The following MTA3 variants were observed in gnomAD, a reference collection of about 807,000 sequenced individuals.
MTA3 encodes the protein metastasis-associated protein MTA3.
In MTA3, 34 loss-of-function variants were observed where a neutral mutation model predicts 83.5. That is an observed-to-expected ratio of 0.41 (90% CI 0.31 to 0.54). The LOEUF (loss-of-function observed/expected upper bound fraction) is 0.54. Ranked by LOEUF, MTA3 falls within the 20% of genes least tolerant of loss-of-function variation. The pLI is 0.33. For synonymous variants in MTA3, 303 were observed against 252.7 expected, an observed-to-expected ratio of 1.20 and a Z score of -1.89; for missense variants, 761 against 726.4, an observed-to-expected ratio of 1.05 and a Z score of -0.55.
chr2:42,646,094 C>T (rs1445687100), intron 6 of MTA3, among the ~76,000 whole-genome samples: 3 of 152,192 alleles, frequency 2.0e-5, no homozygotes, highest in East Asian at 1.9e-4. Flanking sequence ...GTAAATAGAA[C>T]AACAAAGCCT....
chr2:42,594,380 G>A (rs1282572986), intron 3 of MTA3, among the ~76,000 whole-genome samples: 1 of 149,696 alleles, frequency 6.7e-6, no homozygotes, highest in Non-Finnish European at 1.5e-5. Flanking sequence ...GGAATTACAG[G>A]TGTGCACCAC....
At position 42,609,522 on chromosome 2, in the gene MTA3, G is replaced by A. The variant is rs373079975; in HGVS notation, c.255G>A (p.Gln85=). 4.3e-6 allele frequency: 7 copies of A among 1,613,888 alleles called. No homozygotes were observed. Among genetic ancestry groups the A allele is most frequent in the African/African-American group, 2.7e-5 (2 of 75,036 alleles). The part of the protein sequence containing the change: ...EADLTDKQKH[Q]LKHRELFLSR... The stretch of plus-strand genomic sequence containing the variant: ...ACTTGACCGATAAGCAGAAACATCA[G>A]TTGAAACATAGGGAACTCTTTTTGT... The change falls in exon 4 of 17, where the codon CAG becomes CAA. Residue 85 remains glutamine, a synonymous_variant. Transcript: ENST00000405094.
chr2:42,727,270 A>G (rs1667896567), intron 16 of MTA3, among the ~76,000 whole-genome samples: 1 of 152,216 alleles, frequency 6.6e-6, no homozygotes, highest in Non-Finnish European at 1.5e-5. Context: ...GGAGTCAGTA[A>G]TGATAAAAAG....
At chr2:42,747,536 C>G (rs944610311) in intron 16 of MTA3, among the ~76,000 whole-genome samples, 1 of 151,858 alleles carries the variant, frequency 6.6e-6, no homozygotes, top group Non-Finnish European at 1.5e-5. Context: ...AGGAGAGAGA[C>G]TCTGTTTTCT....
At chr2:42,719,103 CAA>C in intron 15 of MTA3, 29 bp downstream of exon 15, 3 of 1,463,358 alleles carry the variant, frequency 2.1e-6, no homozygotes, top group Non-Finnish European at 2.8e-6. Flanking sequence ...AGGAAAAACT[CAA>C]AGAGCAATTT....
At chr2:42,634,096 G>C (rs1016485003) in intron 4 of MTA3, among the ~76,000 whole-genome samples, 6 of 152,072 alleles carry the variant, frequency 3.9e-5, no homozygotes, top group Admixed American at 1.3e-4. Flanking sequence ...ACTGCAGAGA[G>C]GCCAGGGATG....
chr2:42,659,829 G>A lies in MTA3; in HGVS notation c.669G>A (p.Met223Ile), dbSNP rs749438577. ...CTGTGAGGCAGCCTAGTTTGCATAT[G>A]AGTGCTGCTGCAGCTTCCCGAGACA... The part of the protein sequence containing the change: ...SSSVRQPSLH[M>I]SAAAASRDIT... The change falls in exon 8 of 17, where the codon ATG becomes ATA. Residue 223 changes from methionine to isoleucine, a missense_variant. Physicochemically the swap from Met to Ile is conservative, Grantham distance 10 (BLOSUM62 1). Transcript: ENST00000405094. 2 of 1,606,972 alleles carry A rather than the reference G, an allele frequency of 1.2e-6. No homozygotes were observed. The highest frequency in any genetic ancestry group is 1.7e-6 in the Non-Finnish European group (2 of 1,176,832).
Position 42,753,533 on chromosome 2 carries a change from G to A in MTA3, c.*134G>A, listed in dbSNP as rs930367701. On this transcript the variant is annotated 3_prime_UTR_variant, in exon 17 of 17. Coordinates refer to ENST00000405094, the MANE Select transcript of MTA3 (RefSeq NM_001330442.2). ...GACCTCTGCGTGCATCCATGGAGAC[G>A]CAATGGGGCGGGGAAGGAACTGTGG... 29 of 1,490,880 alleles carry A rather than the reference G, an allele frequency of 1.9e-5. No homozygotes were observed. The East Asian group carries it at 6.3e-4, about 33-fold the overall frequency. 92.4% of individuals were successfully genotyped at this position (1,490,880 alleles called of 1,614,324 possible).
intron 9 of MTA3, among the ~76,000 whole-genome samples, chr2:42,694,190 A>AT (rs1363644364): frequency 2.0e-5 from 3 of 152,056 alleles, no homozygotes; most frequent in Non-Finnish European, 4.4e-5. Flanking sequence ...GGAAGGAGAC[A>AT]TTTTTGCCCC....
chr2:42,670,948 T>A (rs1214492583), intron 8 of MTA3, among the ~76,000 whole-genome samples: 1 of 152,074 alleles, frequency 6.6e-6, no homozygotes, highest in East Asian at 1.9e-4. Context: ...TTATTCAGAT[T>A]TGTTAGTTGT....
rs1394637024 is a variant in MTA3, at chr2:42,754,837, G to A, written c.*1438G>A. Reference sequence around the variant, plus strand: ...TGATGCTGTAGATGTCTGTGTCCTCGGAGGCTGAGCTCCGCTTGGCAGAGA... The same window carrying A: ...TGATGCTGTAGATGTCTGTGTCCTCAGAGGCTGAGCTCCGCTTGGCAGAGA... On this transcript the variant is annotated 3_prime_UTR_variant, in exon 17 of 17. Transcript: ENST00000405094. The A allele has an allele frequency of 1.8e-5, 18 of 985,380 alleles. No individual in the cohort carries two copies. The highest frequency in any genetic ancestry group is 1.9e-5 in the Non-Finnish European group (16 of 829,986). The allele number at this position is 985,380 out of a possible 1,614,324, so 61.0% of individuals were successfully genotyped here.
At chr2:42,496,606 A>AG (rs1185626503) in intron 2 of MTA3, among the ~76,000 whole-genome samples, 2 of 84,576 alleles carry the variant, frequency 2.4e-5, no homozygotes, top group African/African-American at 1.0e-4. Flanking sequence ...TTCAGAACCT[A>AG]GGAAAAAAAA....
rs1267774376 is a variant in MTA3 at position 42,753,681 on chromosome 2, A to G, written c.*282A>G. On this transcript the variant is annotated 3_prime_UTR_variant, in exon 17 of 17. Transcript: ENST00000405094. Reference sequence around the variant, plus strand: ...ATTGAGGGGCTGAGGGAACCCCTCCACCTCCTCCCTTCTGCAGCGCCCTGC... The same window carrying G: ...ATTGAGGGGCTGAGGGAACCCCTCCGCCTCCTCCCTTCTGCAGCGCCCTGC... 1.6e-6 allele frequency: 2 copies of G among 1,276,422 alleles called. No individual in the cohort carries two copies. Among genetic ancestry groups the G allele is most frequent in the African/African-American group, 1.5e-5 (1 of 65,512 alleles). 79.1% of individuals were successfully genotyped at this position (1,276,422 alleles called of 1,614,324 possible). A position where few individuals can be genotyped will look rare whatever the true frequency, so the allele number is the denominator to read the frequency against.
At chr2:42,526,947 G>T (rs1472746343) in intron 2 of MTA3, among the ~76,000 whole-genome samples, 1 of 149,464 alleles carries the variant, frequency 6.7e-6, no homozygotes, top group Non-Finnish European at 1.5e-5. Context: ...CCAGCTACTC[G>T]AGAAGCTGAG....
chr2:42,756,866 C>T lies in MTA3; in HGVS notation c.*3467C>T. The T allele has an allele frequency of 1.0e-6, 1 of 985,462 alleles. No homozygotes were observed. Among genetic ancestry groups the T allele is most frequent in the Non-Finnish European group, 1.2e-6 (1 of 829,940 alleles). 61.0% of individuals were successfully genotyped at this position (985,462 alleles called of 1,614,324 possible). A position where few individuals can be genotyped will look rare whatever the true frequency, so the allele number is the denominator to read the frequency against. Reference sequence around the variant, plus strand: ...ATAATTCGTTCTGAGCATGATACCACAGTGTGGATTGTCTGTCTGTAAGGA... The same window carrying T: ...ATAATTCGTTCTGAGCATGATACCATAGTGTGGATTGTCTGTCTGTAAGGA... On this transcript the variant is annotated 3_prime_UTR_variant, in exon 17 of 17. Transcript: ENST00000405094.
At chr2:42,672,068 A>G (rs184340736) in intron 8 of MTA3, among the ~76,000 whole-genome samples, 12 of 152,300 alleles carry the variant, frequency 7.9e-5, no homozygotes, top group Non-Finnish European at 1.2e-4. Flanking sequence ...TTGTTTTCAC[A>G]TATTTGTCTG....
chr2:42,739,517 T>C (rs560624267), intron 16 of MTA3, among the ~76,000 whole-genome samples: 70 of 152,194 alleles, frequency 4.6e-4, no homozygotes, highest in African/African-American at 1.6e-3. Context: ...TGGAAGGTCT[T>C]GCCTCAATGT....
At chr2:42,653,158 A>AAGC (rs1688868638) in intron 6 of MTA3, among the ~76,000 whole-genome samples, 1 of 152,238 alleles carries the variant, frequency 6.6e-6, no homozygotes, top group East Asian at 1.9e-4. Context: ...CAAAAATAGG[A>AAGC]AGCTGTATAC....
At chr2:42,632,494 C>T (rs1686781056) in intron 4 of MTA3, among the ~76,000 whole-genome samples, 3 of 152,172 alleles carry the variant, frequency 2.0e-5, no homozygotes, top group Admixed American at 2.0e-4. Flanking sequence ...ATTCATTTGC[C>T]ATCTTGTCCA....
Sources: allele counts gnomAD v4.1 joint callset (sites outside exome capture counted in the v4.1 genomes callset), GRCh38; gene constraint gnomAD v4.1.1; transcripts MANE v1.5; gene names NCBI Gene and HGNC (gene_info 2026-07-23, HGNC 2026-07-21).